NCOA2: variants seen among roughly 807,000 people sequenced by gnomAD.
The protein encoded by NCOA2 is class E basic helix-loop-helix protein 75.
A neutral mutation model predicts 145.1 loss-of-function variants in NCOA2; 21 were observed. That is an observed-to-expected ratio of 0.14 (90% CI 0.10 to 0.21). The LOEUF is 0.21. Ranked by LOEUF, NCOA2 falls within the 10% of genes least tolerant of loss-of-function variation. The probability of loss-of-function intolerance (pLI) is 1.00; values close to 1 mark genes in which losing one functional copy is unlikely to be tolerated. For synonymous variants in NCOA2, 619 were observed against 637.5 expected (o/e 0.97, Z 0.44); for missense variants, 1,472 against 1,837.6 (o/e 0.80, Z 3.64).
intron 2 of NCOA2, among the ~76,000 whole-genome samples, chr8:70,272,027 A>G (rs1328215649): frequency 6.6e-6 from 1 of 152,242 alleles, no homozygotes; most frequent in Non-Finnish European, 1.5e-5. Flanking sequence ...AGTAAAAGAA[A>G]TATTTTAAAG....
At chr8:70,191,827 G>A (rs1306605809) in intron 4 of NCOA2, among the ~76,000 whole-genome samples, 1 of 152,172 alleles carries the variant, frequency 6.6e-6, no homozygotes, top group Non-Finnish European at 1.5e-5. Context: ...GATCACCTGA[G>A]CTCAGGAGTT....
At chr8:70,440,664 GGAGA>G in the NCOA2 span, among the ~76,000 whole-genome samples, 1 of 142,448 alleles carries the variant, frequency 7.0e-6, no homozygotes, top group Non-Finnish European at 1.5e-5. Flanking sequence ...AAAGAAAGAG[GGAGA>G]GAGAGAAAGA....
chr8:70,362,865 C>A (rs917076523), intron 1 of NCOA2, among the ~76,000 whole-genome samples: 1 of 151,686 alleles, frequency 6.6e-6, no homozygotes, highest in African/African-American at 2.4e-5. Context: ...ACTGTTTAAG[C>A]CCAGGAGTTT....
At chr8:70,198,452 C>G (rs1412194734) in intron 4 of NCOA2, among the ~76,000 whole-genome samples, 3 of 152,260 alleles carry the variant, frequency 2.0e-5, no homozygotes, top group Admixed American at 6.5e-5. Context: ...CATGGGAAGG[C>G]ATTTTCCTTC....
intron 12 of NCOA2, among the ~76,000 whole-genome samples, chr8:70,145,990 G>T (rs1004578630): frequency 6.6e-6 from 1 of 152,078 alleles, no homozygotes; most frequent in African/African-American, 2.4e-5. Context: ...TTTTTTTCAC[G>T]TTATAATATT....
At chr8:70,253,987 G>A (rs773576245) in intron 2 of NCOA2, among the ~76,000 whole-genome samples, 10 of 152,188 alleles carry the variant, frequency 6.6e-5, no homozygotes, top group African/African-American at 1.4e-4. Flanking sequence ...ACTGCAAACC[G>A]TATATTTGAT....
In NCOA2 at chr8:70,148,373, G is replaced by A; in HGVS notation, c.2505C>T (p.Asp835=). The change falls in exon 12 of 23, where the codon GAC becomes GAT. Residue 835 remains aspartate (D), a synonymous_variant. Coordinates refer to ENST00000452400, the MANE Select transcript of NCOA2 (RefSeq NM_006540.4). ...TGAGGTCATTGATGATGGCTTGCTT[G>A]TCAACTGATCCAGCAGGGGCGCCTG... ...TRPGAPAGSV[D]KQAIINDLMQ... The A allele has an allele frequency of 6.2e-7, 1 of 1,613,956 alleles. No individual in the cohort carries two copies. The highest frequency in any genetic ancestry group is 2.2e-5 in the East Asian group (1 of 44,884).
chr8:70,391,127 A>G (rs576781460), intron 1 of NCOA2, among the ~76,000 whole-genome samples: 1 of 152,358 alleles, frequency 6.6e-6, no homozygotes, highest in East Asian at 1.9e-4. Flanking sequence ...TTGCAAAGAA[A>G]AACAGAAGAG....
intron 1 of NCOA2, among the ~76,000 whole-genome samples, chr8:70,349,718 AT>A (rs1402342816): frequency 6.6e-6 from 1 of 152,134 alleles, no homozygotes; most frequent in Non-Finnish European, 1.5e-5. Context: ...ATAGGAAAAA[AT>A]ATGTTCTAAA....
chr8:70,416,192 TTTG>T, the NCOA2 span, among the ~76,000 whole-genome samples: 1,057 of 141,456 alleles, frequency 7.5e-3, 23 homozygotes, highest in African/African-American at 0.028. Context: ...CCTCAGTTTT[TTTG>T]TTTTTTTTTT....
chr8:70,143,988 T>C (rs967940122), intron 13 of NCOA2, among the ~76,000 whole-genome samples: 3 of 152,216 alleles, frequency 2.0e-5, no homozygotes, highest in African/African-American at 4.8e-5. Flanking sequence ...CAATCTGAAC[T>C]GGATATAAGC....
intron 4 of NCOA2, among the ~76,000 whole-genome samples, chr8:70,189,875 A>G (rs1816489691): frequency 6.6e-6 from 1 of 152,230 alleles, no homozygotes; most frequent in African/African-American, 2.4e-5. Flanking sequence ...TTATTTAGCT[A>G]GAAGACTCCA....
chr8:70,438,498 T>C, the NCOA2 span, among the ~76,000 whole-genome samples: 1 of 152,228 alleles, frequency 6.6e-6, no homozygotes, highest in Non-Finnish European at 1.5e-5. Context: ...CAGCATTTAC[T>C]TAATTGAACT....
chr8:70,286,918 CA>C (rs537532219), intron 2 of NCOA2, among the ~76,000 whole-genome samples: 1 of 152,012 alleles, frequency 6.6e-6, no homozygotes, highest in Non-Finnish European at 1.5e-5. Context: ...GAAATATAGT[CA>C]AAATGAAACA....
the NCOA2 span, among the ~76,000 whole-genome samples, chr8:70,409,886 A>C: frequency 6.6e-6 from 1 of 152,030 alleles, no homozygotes; most frequent in Admixed American, 6.6e-5. Context: ...TGTGAAAGAA[A>C]GAATAAAAGA....
At chr8:70,421,985 C>T in the NCOA2 span, among the ~76,000 whole-genome samples, 1 of 151,684 alleles carries the variant, frequency 6.6e-6, no homozygotes, top group Non-Finnish European at 1.5e-5. Flanking sequence ...ATCCCAGCTA[C>T]TTGGGAGGCT....
chr8:70,191,872 C>A (rs946072672), intron 4 of NCOA2, among the ~76,000 whole-genome samples: 2 of 152,074 alleles, frequency 1.3e-5, no homozygotes, highest in African/African-American at 2.4e-5. Flanking sequence ...GAAACCCCAT[C>A]TCTACTAAAA....
chr8:70,450,578 T>A, the NCOA2 span, among the ~76,000 whole-genome samples: 38 of 132,888 alleles, frequency 2.9e-4, 1 homozygote, highest in African/African-American at 1.1e-3. Flanking sequence ...TTATTCTTTT[T>A]TTTTTTTTTT....
At chr8:70,248,804 G>C (rs1245083601) in intron 2 of NCOA2, among the ~76,000 whole-genome samples, 1 of 150,706 alleles carries the variant, frequency 6.6e-6, no homozygotes, top group East Asian at 1.9e-4. Flanking sequence ...TTTCTCCCGA[G>C]TATTTTCTGA....
Sources: allele counts gnomAD v4.1 joint callset (sites outside exome capture counted in the v4.1 genomes callset), GRCh38; gene constraint gnomAD v4.1.1; transcripts MANE v1.5; gene names NCBI Gene and HGNC (gene_info 2026-07-23, HGNC 2026-07-21).